The following ATM variants were observed in gnomAD, a reference collection of about 807,000 sequenced individuals.
ATM encodes serine-protein kinase ATM.
A neutral mutation model predicts 387.0 loss-of-function variants in ATM; 308 were observed. The observed-to-expected ratio is 0.80, with a 90% CI of 0.73 to 0.87. The LOEUF (loss-of-function observed/expected upper bound fraction) is 0.87. Among genes scored for constraint, ATM ranks in the 40% least tolerant of loss-of-function variants. The pLI, the probability that ATM is intolerant of heterozygous loss-of-function variation, is 0.00. For missense variants in ATM, 3,312 were observed against 3,560.9 expected (o/e 0.93, Z 1.78); for synonymous variants, 1,156 against 1,187.3 (o/e 0.97, Z 0.54).
intron 8 of ATM, among the ~76,000 whole-genome samples, chr11:108,248,176 A>C (rs2079947953): frequency 6.6e-6 from 1 of 152,176 alleles, no homozygotes; most frequent in Admixed American, 6.5e-5. Flanking sequence ...GATATACTCC[A>C]TTTTACTTAC....
At chr11:108,223,308 C>G (rs1385068370) in intron 1 of ATM, 122 bp downstream of exon 1, 1 of 153,398 alleles carries the variant, frequency 6.5e-6, no homozygotes, top group Non-Finnish European at 1.5e-5. Flanking sequence ...CTTGACTCCT[C>G]CCTCTCCTCA....
chr11:108,282,825 TATC>T lies in ATM; in HGVS notation c.3693_3695del (p.Leu1231_Ser1232delinsPhe), dbSNP rs786203389. ...AATCTTCAAGATACTGAATACAACT[TATC>T]TTCTTTTCCTTTTATTTTATTAAAC... is the stretch of plus-strand genomic sequence containing the variant. On this transcript the variant is annotated inframe_deletion, in exon 25 of 63. Transcript: ENST00000675843. 4.5e-6 allele frequency: 7 copies of T among 1,547,076 alleles called. No homozygotes were observed. In the Admixed American group the frequency reaches 5.1e-5, roughly 11 times the overall value.
At position 108,366,942 on chromosome 11, in the gene ATM, G is replaced by A. The variant is rs2137987772; in HGVS notation, c.*1434G>A. Reference sequence around the variant, plus strand: ...TTAATGAGACTGGCAAATTGTTCCAGGACAGCTACAGCATCAGCTCACATA... The same window carrying A: ...TTAATGAGACTGGCAAATTGTTCCAAGACAGCTACAGCATCAGCTCACATA... On this transcript the variant is annotated 3_prime_UTR_variant, in exon 63 of 63. Transcript: ENST00000675843. 4.5e-6 allele frequency: 1 copy of A among 219,814 alleles called. No homozygotes were observed. Among genetic ancestry groups the A allele is most frequent in the African/African-American group, 2.2e-5 (1 of 44,682 alleles). The allele number at this position is 219,814 out of a possible 1,614,324, so 13.6% of individuals were successfully genotyped here.
chr11:108,239,597 C>G (rs947262055), intron 5 of ATM, among the ~76,000 whole-genome samples: 1 of 152,132 alleles, frequency 6.6e-6, no homozygotes, highest in Non-Finnish European at 1.5e-5. Context: ...ATAATGCTGC[C>G]GTGAACATGA....
intron 40 of ATM, among the ~76,000 whole-genome samples, chr11:108,313,666 G>A (rs745365868): frequency 2.4e-4 from 36 of 152,072 alleles, no homozygotes; most frequent in Non-Finnish European, 5.0e-4. Context: ...TATCGTGTGT[G>A]TACTAAGCAC....
intron 61 of ATM, among the ~76,000 whole-genome samples, chr11:108,360,884 C>T (rs1430045261): frequency 1.0e-3 from 104 of 101,872 alleles, no homozygotes; most frequent in African/African-American, 3.6e-3. Context: ...TGAAAACTGG[C>T]ACAAGACAGG....
intron 17 of ATM, 55 bp downstream of exon 17, chr11:108,267,397 A>T: frequency 6.6e-7 from 1 of 1,518,098 alleles, no homozygotes; most frequent in Non-Finnish European, 9.1e-7. Context: ...TTGATTTGGC[A>T]GTATAAGAGG....
At chr11:108,317,337 ATTACT>A in intron 42 of ATM, 31 bp from the exon 43 acceptor site, 1 of 1,598,778 alleles carries the variant, frequency 6.3e-7, no homozygotes, top group Non-Finnish European at 8.6e-7. Context: ...GATATCTTTG[ATTACT>A]TAACTTAAAA....
intron 36 of ATM, among the ~76,000 whole-genome samples, chr11:108,304,400 T>G (rs1264903930): frequency 1.3e-5 from 2 of 152,226 alleles, no homozygotes; most frequent in Non-Finnish European, 2.9e-5. Context: ...AATATTCTGT[T>G]TCATTATGGT....
intron 13 of ATM, among the ~76,000 whole-genome samples, chr11:108,254,793 C>T (rs539135742): frequency 5.9e-5 from 9 of 152,038 alleles, no homozygotes; most frequent in Admixed American, 3.9e-4. Flanking sequence ...CTGGGACAGG[C>T]GAGTGCTACC....
intron 56 of ATM, chr11:108,336,412 T>C (rs1159032985): frequency 1.3e-5 from 2 of 158,888 alleles, no homozygotes; most frequent in African/African-American, 4.8e-5. Context: ...GTAAAAAGTA[T>C]TTATTAATGT....
In ATM at chr11:108,329,599, T is replaced by C. The variant is rs561065261; in HGVS notation, c.7307+361T>C. On this transcript the variant is annotated intron_variant, in intron 49 of 62. Coordinates refer to ENST00000675843, the MANE Select transcript of ATM (RefSeq NM_000051.4). ...CTAATTTTTGTATTTTTTGTAGAGA[T>C]GGGGTTTTGCCATGTTGCCCAGGTT... 4.7e-4 allele frequency among the ~76,000 whole-genome samples: 72 copies of C among 152,104 alleles called. 1 individual carries two copies. Among genetic ancestry groups the C allele is most frequent in the African/African-American group, 1.7e-3 (69 of 41,498 alleles).
At chr11:108,302,477 C>T (rs1419361295) in intron 35 of ATM, among the ~76,000 whole-genome samples, 1 of 151,930 alleles carries the variant, frequency 6.6e-6, no homozygotes, top group South Asian at 2.1e-4. Context: ...ATAATATAAC[C>T]TGGAAGGCAT....
At position 108,321,349 on chromosome 11, in the gene ATM, T is replaced by C. The variant is rs1204851027; in HGVS notation, c.6501T>C (p.Tyr2167=). The C allele has an allele frequency of 2.5e-6, 4 of 1,614,234 alleles. No individual in the cohort carries two copies. The South Asian group carries it at 4.4e-5, about 18-fold the overall frequency. The change falls in exon 45 of 63, where the codon TAT becomes TAC. Residue 2167 remains tyrosine (Y), a synonymous_variant. Transcript: ENST00000675843. Reference sequence around the variant, plus strand: ...GTAAGCGCAGCCTTGAGTCTGTGTATTCGCTCTATCCCACACTTAGCAGGT... The same window carrying C: ...GTAAGCGCAGCCTTGAGTCTGTGTACTCGCTCTATCCCACACTTAGCAGGT... The part of the protein sequence containing the change: ...EMCKRSLESV[Y]SLYPTLSRLQ...
Position 108,229,202 on chromosome 11 carries a change from A to G in ATM, c.210A>G (p.Lys70=), listed in dbSNP as rs1064793030. 1 of 1,613,112 alleles carries G rather than the reference A, an allele frequency of 6.2e-7. No homozygotes were observed. Among genetic ancestry groups the G allele is most frequent in the Non-Finnish European group, 8.5e-7 (1 of 1,179,508 alleles). ...VFRFLQKYIQ[K]ETECLRIAKP... ...GATTTTTACAGAAATATATTCAGAA[A>G]GAAACAGAATGTCTGAGAATAGCAA... is the stretch of plus-strand genomic sequence containing the variant. The change falls in exon 4 of 63, where the codon AAA becomes AAG. Residue 70 remains lysine, a synonymous_variant. Coordinates refer to ENST00000675843, the MANE Select transcript of ATM (RefSeq NM_000051.4).
rs1426743720 is a variant in ATM, at chr11:108,247,220, A to G, written c.1065+93A>G. On this transcript the variant is annotated intron_variant, in intron 8 of 62. Transcript: ENST00000675843. ...GGGCTTTTAAAACCTGTGTTCTCAC[A>G]AAAAGCCTATAAAATGACTCTGTAC... is the stretch of plus-strand genomic sequence containing the variant. 4 of 1,257,956 alleles carry G rather than the reference A, an allele frequency of 3.2e-6. No homozygotes were observed. The Admixed American group carries it at 7.2e-5, about 23-fold the overall frequency. 77.9% of individuals were successfully genotyped at this position (1,257,956 alleles called of 1,614,324 possible).
At chr11:108,256,139 A>T (rs2080464133) in intron 13 of ATM, 76 bp from the exon 14 acceptor site, 2 of 1,338,750 alleles carry the variant, frequency 1.5e-6, no homozygotes. Flanking sequence ...TGTATGTAGA[A>T]TTTGTTCTTA....
Position 108,271,560 on chromosome 11 carries a change from C to T in ATM, c.3077+154C>T, listed in dbSNP as rs557097143. On this transcript the variant is annotated intron_variant, in intron 20 of 62. Coordinates refer to ENST00000675843, the MANE Select transcript of ATM (RefSeq NM_000051.4). ...GAATGTAATTTGTGTTTCCCTCAGT[C>T]GCTTGAAGAACTACATTGCTTTTTG... Among the ~76,000 whole-genome samples the T allele has an allele frequency of 5.9e-5, 9 of 152,332 alleles. No individual in the cohort carries two copies. The East Asian group carries it at 1.7e-3, about 29-fold the overall frequency.
chr11:108,258,392 A>C (rs922529004), intron 15 of ATM, among the ~76,000 whole-genome samples: 2 of 152,196 alleles, frequency 1.3e-5, no homozygotes, highest in Non-Finnish European at 2.9e-5. Context: ...ACTTTCATTC[A>C]TTTAATAAAA....
Sources: allele counts gnomAD v4.1 joint callset (sites outside exome capture counted in the v4.1 genomes callset), GRCh38; gene constraint gnomAD v4.1.1; transcripts MANE v1.5; gene names NCBI Gene and HGNC (gene_info 2026-07-23, HGNC 2026-07-21).